Variants in SLC4A4 observed in about 807,000 individuals in gnomAD.
SLC4A4 encodes the protein electrogenic sodium bicarbonate cotransporter 1.
A neutral mutation model predicts 111.5 loss-of-function variants in SLC4A4; 27 were observed. The observed-to-expected ratio is 0.24, with a 90% CI of 0.18 to 0.33. The LOEUF (loss-of-function observed/expected upper bound fraction) is 0.33. Among genes scored for constraint, SLC4A4 ranks in the 10% least tolerant of loss-of-function variants. The pLI, the probability that SLC4A4 is intolerant of heterozygous loss-of-function variation, is 1.00. For synonymous variants in SLC4A4, 443 were observed against 463.4 expected (o/e 0.96, Z 0.57); for missense variants, 909 against 1,315.5 (o/e 0.69, Z 4.78).
At chr4:71,085,464 T>A (rs75304312) in intron 1 of SLC4A4, among the ~76,000 whole-genome samples, 88,951 of 151,800 alleles carry the variant, frequency 0.59, 27,787 homozygotes, top group East Asian at 0.75. Flanking sequence ...GGTGTTTTAG[T>A]CATGAAGTCC....
chr4:71,452,947 G>A (rs941900756), intron 11 of SLC4A4, among the ~76,000 whole-genome samples: 6 of 152,036 alleles, frequency 3.9e-5, no homozygotes, highest in African/African-American at 1.4e-4. Flanking sequence ...TTTATTGTCT[G>A]CCTCCTTTTC....
At chr4:71,118,364 A>T (rs1030216310) in intron 2 of SLC4A4, among the ~76,000 whole-genome samples, 3 of 152,176 alleles carry the variant, frequency 2.0e-5, no homozygotes, top group African/African-American at 7.2e-5. Flanking sequence ...GGTCCTGGGG[A>T]TACCTTAACC....
At chr4:71,493,889 T>C (rs1730167041) in intron 15 of SLC4A4, among the ~76,000 whole-genome samples, 1 of 152,090 alleles carries the variant, frequency 6.6e-6, no homozygotes, top group African/African-American at 2.4e-5. Context: ...TAGTCTGTAA[T>C]TGCTGTTGCA....
intron 1 of SLC4A4, among the ~76,000 whole-genome samples, chr4:71,219,225 A>G (rs1188402108): frequency 6.6e-6 from 1 of 152,258 alleles, no homozygotes; most frequent in Non-Finnish European, 1.5e-5. Context: ...TAAGTTGTGA[A>G]TGCAAAGGAA....
At chr4:71,480,783 A>G (rs1728806165) in intron 14 of SLC4A4, among the ~76,000 whole-genome samples, 2 of 151,768 alleles carry the variant, frequency 1.3e-5, no homozygotes, top group African/African-American at 4.8e-5. Context: ...ACATAGCTGT[A>G]ACCCTAAGAA....
rs528661008 is a variant in SLC4A4 at position 71,386,373 on chromosome 4, T to G, written c.731-11204T>G. On this transcript the variant is annotated intron_variant, in intron 6 of 25. Transcript: ENST00000264485. ...TATCTTTGGACTCTTGAATTCTCTT[T>G]GATAATGTTCTGGGATATTATATTC... is the stretch of plus-strand genomic sequence containing the variant. Among the ~76,000 whole-genome samples, 5 of 152,260 alleles carry G rather than the reference T, an allele frequency of 3.3e-5. No homozygotes were observed. The South Asian group carries it at 1.0e-3, about 32-fold the overall frequency.
intron 1 of SLC4A4, among the ~76,000 whole-genome samples, chr4:71,207,916 G>T (rs1717873525): frequency 2.0e-5 from 3 of 152,274 alleles, no homozygotes; most frequent in Admixed American, 2.0e-4. Flanking sequence ...AGGCTCACGT[G>T]ATCCTCCCAC....
chr4:71,518,282 G>C (rs916300780), intron 16 of SLC4A4, among the ~76,000 whole-genome samples: 57 of 152,260 alleles, frequency 3.7e-4, no homozygotes, highest in African/African-American at 1.3e-3. Context: ...AACCACAGAG[G>C]CTGTCCTGAA....
chr4:71,411,310 G>A (rs10016762), intron 7 of SLC4A4, among the ~76,000 whole-genome samples: 92,734 of 151,920 alleles, frequency 0.61, 30,933 homozygotes, highest in Non-Finnish European at 0.75. Flanking sequence ...ACTGGTGTTC[G>A]CCCATTATTT....
intron 3 of SLC4A4, among the ~76,000 whole-genome samples, chr4:71,303,481 A>G (rs1428636091): frequency 6.6e-6 from 1 of 152,190 alleles, no homozygotes; most frequent in African/African-American, 2.4e-5. Flanking sequence ...CCTCCTCTTG[A>G]AAAACAACTC....
intron 3 of SLC4A4, among the ~76,000 whole-genome samples, chr4:71,283,303 G>C (rs1290003811): frequency 6.6e-6 from 1 of 152,336 alleles, no homozygotes; most frequent in East Asian, 1.9e-4. Context: ...TCATGGCAAT[G>C]TTTTTAGGAG....
chr4:71,207,054 T>A (rs3857071), intron 1 of SLC4A4, among the ~76,000 whole-genome samples: 42,319 of 151,958 alleles, frequency 0.28, 9,121 homozygotes, highest in African/African-American at 0.58. Context: ...CTTATAAGGT[T>A]GTAATGGAAA....
intron 11 of SLC4A4, 58 bp downstream of exon 11, chr4:71,451,359 C>A (rs1725745672): frequency 9.2e-7 from 1 of 1,084,960 alleles, no homozygotes; most frequent in South Asian, 1.3e-5. Context: ...GTAAATTTCC[C>A]TTCATCTATC....
intron 2 of SLC4A4, among the ~76,000 whole-genome samples, chr4:71,132,778 C>T (rs1418118873): frequency 6.6e-6 from 1 of 152,226 alleles, no homozygotes; most frequent in African/African-American, 2.4e-5. Flanking sequence ...TCCTTTTCCA[C>T]TATTGGCCAC....
chr4:71,557,704 C>T lies in SLC4A4; in HGVS notation c.2764-8C>T, dbSNP rs758415012. ...TGCAGTTGGACTCCTTTCCTCTTTC[C>T]TCCCCAGTTCATGGATCGTCTGAAG... On this transcript the variant is annotated splice_region_variant and splice_polypyrimidine_tract_variant and intron_variant, in intron 21 of 25. Transcript: ENST00000264485. The T allele has an allele frequency of 6.2e-7, 1 of 1,612,372 alleles. No homozygotes were observed. Among genetic ancestry groups the T allele is most frequent in the Non-Finnish European group, 8.5e-7 (1 of 1,179,018 alleles).
chr4:71,241,002 C>T (rs942681949), intron 2 of SLC4A4, among the ~76,000 whole-genome samples: 5 of 151,864 alleles, frequency 3.3e-5, no homozygotes, highest in African/African-American at 1.2e-4. Flanking sequence ...GCCTGTAGTC[C>T]CAGCTACTCA....
intron 3 of SLC4A4, among the ~76,000 whole-genome samples, chr4:71,259,717 T>C (rs553121420): frequency 3.3e-5 from 5 of 152,194 alleles, no homozygotes; most frequent in African/African-American, 9.6e-5. Context: ...CTGGCTGAGA[T>C]AGGCTTTGGA....
intron 16 of SLC4A4, among the ~76,000 whole-genome samples, chr4:71,504,787 T>A (rs569531968): frequency 1.3e-5 from 2 of 152,202 alleles, no homozygotes; most frequent in South Asian, 2.1e-4. Flanking sequence ...TAGGTAAATT[T>A]GTGCCATGGT....
At chr4:71,389,916 T>C in intron 6 of SLC4A4, among the ~76,000 whole-genome samples, 1 of 152,200 alleles carries the variant, frequency 6.6e-6, no homozygotes, top group Non-Finnish European at 1.5e-5. Flanking sequence ...AACAAAACAA[T>C]TAAAAAGAAA....
Sources: allele counts gnomAD v4.1 joint callset (sites outside exome capture counted in the v4.1 genomes callset), GRCh38; gene constraint gnomAD v4.1.1; transcripts MANE v1.5; gene names NCBI Gene and HGNC (gene_info 2026-07-23, HGNC 2026-07-21).